The following CDK14 variants were observed in gnomAD, a reference collection of about 807,000 sequenced individuals.
The protein encoded by CDK14 is cyclin-dependent kinase 14.
CDK14 carries 34 observed loss-of-function variants against 60.7 expected under a neutral mutation model. The ratio of observed to expected loss-of-function variants is 0.56; its 90% CI spans 0.43 to 0.75. The LOEUF is 0.75. Among genes scored for constraint, CDK14 ranks in the 30% least tolerant of loss-of-function variants. The pLI is 0.00. For synonymous variants in CDK14, 197 were observed against 203.7 expected, an observed-to-expected ratio of 0.97 and a Z score of 0.28; for missense variants, 482 against 564.1, an observed-to-expected ratio of 0.85 and a Z score of 1.47.
intron 11 of CDK14, among the ~76,000 whole-genome samples, chr7:91,049,219 A>C (rs1349510166): frequency 1.3e-5 from 2 of 152,054 alleles, no homozygotes; most frequent in Non-Finnish European, 2.9e-5. Flanking sequence ...CCCTTTGTCC[A>C]TGAAAACTTT....
chr7:91,129,783 T>C (rs1041172508), intron 14 of CDK14, among the ~76,000 whole-genome samples: 1 of 152,138 alleles, frequency 6.6e-6, no homozygotes, highest in Non-Finnish European at 1.5e-5. Context: ...AACTGGACAG[T>C]GATAATGAGA....
intron 5 of CDK14, among the ~76,000 whole-genome samples, chr7:90,828,298 A>G (rs1199841083): frequency 6.6e-6 from 1 of 152,238 alleles, no homozygotes; most frequent in Non-Finnish European, 1.5e-5. Context: ...ATGTGGACCC[A>G]GCAGTATTCT....
intron 8 of CDK14, among the ~76,000 whole-genome samples, chr7:90,936,407 G>C (rs1188932407): frequency 6.6e-6 from 1 of 152,116 alleles, no homozygotes; most frequent in Non-Finnish European, 1.5e-5. Flanking sequence ...ATTCTAACAT[G>C]AATCAGTCCT....
chr7:90,957,254 C>G (rs963072827), intron 9 of CDK14, among the ~76,000 whole-genome samples: 7 of 152,034 alleles, frequency 4.6e-5, no homozygotes, highest in East Asian at 1.9e-4. Flanking sequence ...GTTCCTATTT[C>G]TCCACATCCT....
At chr7:90,849,997 T>C (rs1790594471) in intron 5 of CDK14, among the ~76,000 whole-genome samples, 1 of 152,056 alleles carries the variant, frequency 6.6e-6, no homozygotes, top group South Asian at 2.1e-4. Context: ...CTGAAATGTG[T>C]GTGGAAATAA....
chr7:90,969,626 T>A (rs1794860681), intron 9 of CDK14, among the ~76,000 whole-genome samples: 1 of 152,188 alleles, frequency 6.6e-6, no homozygotes, highest in Non-Finnish European at 1.5e-5. Flanking sequence ...ATTAATTTGC[T>A]TTTTTCTCAT....
chr7:90,978,836 A>G (rs1795147567), intron 9 of CDK14, among the ~76,000 whole-genome samples: 1 of 152,254 alleles, frequency 6.6e-6, no homozygotes, highest in Non-Finnish European at 1.5e-5. Flanking sequence ...TGCTAAAGAC[A>G]GTAGTGAAAA....
chr7:90,985,230 G>C (rs1246257208), intron 10 of CDK14, among the ~76,000 whole-genome samples: 1 of 152,150 alleles, frequency 6.6e-6, no homozygotes. Flanking sequence ...TCTGGAGCCA[G>C]ACTATCTGGG....
At chr7:91,060,406 G>A (rs1191548730) in intron 11 of CDK14, among the ~76,000 whole-genome samples, 1 of 152,008 alleles carries the variant, frequency 6.6e-6, no homozygotes, top group Non-Finnish European at 1.5e-5. Flanking sequence ...TTACATTTAA[G>A]GTTAATATTG....
chr7:90,805,133 CA>C (rs998630380), intron 5 of CDK14, among the ~76,000 whole-genome samples: 2 of 151,950 alleles, frequency 1.3e-5, no homozygotes, highest in Non-Finnish European at 2.9e-5. Context: ...TTCTTCCATT[CA>C]AAATTTCTGG....
intron 12 of CDK14, among the ~76,000 whole-genome samples, chr7:91,092,315 A>G (rs868341402): frequency 6.6e-6 from 1 of 152,322 alleles, no homozygotes; most frequent in South Asian, 2.1e-4. Flanking sequence ...CTGTGCCCCC[A>G]GATCTACAAC....
intron 3 of CDK14, among the ~76,000 whole-genome samples, chr7:90,736,002 T>G (rs975151460): frequency 6.6e-6 from 1 of 152,134 alleles, no homozygotes; most frequent in Non-Finnish European, 1.5e-5. Context: ...AACACTGTGG[T>G]AAAAGCACAG....
At position 90,973,922 on chromosome 7, in the gene CDK14, C is replaced by T. The variant is rs1001986110; in HGVS notation, c.948-10226C>T. On this transcript the variant is annotated intron_variant, in intron 9 of 14. Transcript: ENST00000380050. ...GAAACAGGGTTCGAGAGCAGACAAC[C>T]GGTCTGACTAGAATTCACCAGGCTG... Among the ~76,000 whole-genome samples, 4 of 152,140 alleles carry T rather than the reference C, an allele frequency of 2.6e-5. No individual in the cohort carries two copies. The South Asian group carries it at 6.2e-4, about 24-fold the overall frequency.
intron 14 of CDK14, among the ~76,000 whole-genome samples, chr7:91,180,989 G>A (rs933063693): frequency 3.9e-5 from 6 of 152,036 alleles, no homozygotes; most frequent in African/African-American, 1.4e-4. Context: ...ACAAATCCAA[G>A]ACAACATTGT....
intron 10 of CDK14, among the ~76,000 whole-genome samples, chr7:91,038,904 C>T (rs933593212): frequency 1.3e-5 from 2 of 152,210 alleles, no homozygotes; most frequent in Non-Finnish European, 2.9e-5. Flanking sequence ...GTGAGACCTC[C>T]CCAGCCATGT....
intron 11 of CDK14, among the ~76,000 whole-genome samples, chr7:91,061,617 C>G (rs1341333576): frequency 1.3e-5 from 2 of 152,180 alleles, no homozygotes; most frequent in Non-Finnish European, 2.9e-5. Context: ...TTCCTTCTAA[C>G]AGTCAGGACC....
chr7:90,821,944 C>T (rs983710728), intron 5 of CDK14, among the ~76,000 whole-genome samples: 4 of 152,184 alleles, frequency 2.6e-5, no homozygotes, highest in Non-Finnish European at 4.4e-5. Flanking sequence ...GGCCTTAGGC[C>T]TTTGCTTCTG....
chr7:90,627,711 C>T (rs752636756), intron 2 of CDK14, among the ~76,000 whole-genome samples: 1 of 151,942 alleles, frequency 6.6e-6, no homozygotes, highest in Non-Finnish European at 1.5e-5. Flanking sequence ...AACGTGAATT[C>T]AACTGTAGCA....
At chr7:90,711,455 T>G (rs1802055788) in intron 2 of CDK14, among the ~76,000 whole-genome samples, 1 of 151,896 alleles carries the variant, frequency 6.6e-6, no homozygotes, top group Admixed American at 6.6e-5. Flanking sequence ...TATTCATATT[T>G]TTACCTTTAC....
Sources: allele counts gnomAD v4.1 joint callset (sites outside exome capture counted in the v4.1 genomes callset), GRCh38; gene constraint gnomAD v4.1.1; transcripts MANE v1.5; gene names NCBI Gene and HGNC (gene_info 2026-07-23, HGNC 2026-07-21).